Variants in ACTR2 observed in about 807,000 individuals in gnomAD.
The protein encoded by ACTR2 is actin related protein 2.
Under a neutral mutation model 50.2 loss-of-function variants are expected in ACTR2, and 5 were observed. The ratio of observed to expected loss-of-function variants is 0.10; its 90% CI spans 0.05 to 0.21. ACTR2 has a LOEUF of 0.21. ACTR2 is among the 10% of genes least tolerant of loss of function. The pLI, the probability that ACTR2 is intolerant of heterozygous loss-of-function variation, is 1.00. For missense variants in ACTR2, 180 were observed against 480.6 expected (o/e 0.37, Z 5.85); for synonymous variants, 140 against 162.9 (o/e 0.86, Z 1.07).
At chr2:65,229,513 T>TGGGAGGTCTAGGCGGGCGGA (rs1179143385) in intron 1 of ACTR2, among the ~76,000 whole-genome samples, 1 of 152,072 alleles carries the variant, frequency 6.6e-6, no homozygotes, top group Non-Finnish European at 1.5e-5. Context: ...CCCAGCACTT[T>TGGGAGGTCTAGGCGGGCGGA]GGGAGGTCTA....
intron 3 of ACTR2, among the ~76,000 whole-genome samples, chr2:65,248,256 T>C (rs1465913861): frequency 6.6e-6 from 1 of 151,998 alleles, no homozygotes; most frequent in Non-Finnish European, 1.5e-5. Flanking sequence ...AAAAATTAAC[T>C]GGGCATAGTG....
At chr2:65,250,665 T>G (rs1672029893) in intron 3 of ACTR2, among the ~76,000 whole-genome samples, 2 of 122,928 alleles carry the variant, frequency 1.6e-5, no homozygotes, top group Non-Finnish European at 3.4e-5. Flanking sequence ...AGAGTGAGAC[T>G]TCATCTCAAA....
intron 3 of ACTR2, among the ~76,000 whole-genome samples, chr2:65,247,693 G>A (rs1167114895): frequency 6.6e-6 from 1 of 152,238 alleles, no homozygotes; most frequent in Non-Finnish European, 1.5e-5. Flanking sequence ...CGACGAAGAA[G>A]AGGAGGGGTT....
intron 1 of ACTR2, among the ~76,000 whole-genome samples, chr2:65,239,619 G>A (rs1367444146): frequency 6.6e-6 from 1 of 152,206 alleles, no homozygotes; most frequent in Non-Finnish European, 1.5e-5. Context: ...GTCTAGTGAG[G>A]GAACTTAGGC....
chr2:65,239,701 T>G, intron 1 of ACTR2, 151 bp from the exon 2 acceptor site: 2 of 618,030 alleles, frequency 3.2e-6, no homozygotes, highest in Non-Finnish European at 5.9e-6. Context: ...AAGGAGATGT[T>G]GCGATAGATT....
At chr2:65,245,520 A>G (rs1671919100) in intron 2 of ACTR2, among the ~76,000 whole-genome samples, 1 of 152,196 alleles carries the variant, frequency 6.6e-6, no homozygotes, top group African/African-American at 2.4e-5. Context: ...ACTCAGTCTC[A>G]AAAAAATAAT....
At chr2:65,242,038 C>T (rs563922867) in intron 2 of ACTR2, 141 of 1,608,720 alleles carry the variant, frequency 8.8e-5, no homozygotes, top group Non-Finnish European at 1.1e-4. Flanking sequence ...TTTCTTGACC[C>T]GTTGAAGTAG....
At chr2:65,240,673 G>A (rs1397892620) in intron 2 of ACTR2, among the ~76,000 whole-genome samples, 1 of 152,170 alleles carries the variant, frequency 6.6e-6, no homozygotes, top group Non-Finnish European at 1.5e-5. Context: ...ACAGTGAGAG[G>A]ACAGTAGTCA....
intron 1 of ACTR2, 83 bp downstream of exon 1, chr2:65,228,040 G>A: frequency 7.5e-7 from 1 of 1,334,060 alleles, no homozygotes; most frequent in Non-Finnish European, 9.8e-7. Context: ...GGCCCCCAGG[G>A]CTGCACCTCC....
chr2:65,241,011 T>C (rs1573152593), intron 2 of ACTR2, among the ~76,000 whole-genome samples: 1 of 152,168 alleles, frequency 6.6e-6, no homozygotes, highest in South Asian at 2.1e-4. Context: ...AGTTTTTTTT[T>C]TTCAGAGTTA....
rs756439882 is a variant in ACTR2, at chr2:65,253,940, G to A, written c.585+76G>A. 6.0e-5 allele frequency: 78 copies of A among 1,290,852 alleles called. 1 individual carries two copies. Among genetic ancestry groups the A allele is most frequent in the South Asian group, 2.0e-4 (14 of 71,298 alleles). 80.0% of individuals were successfully genotyped at this position (1,290,852 alleles called of 1,614,324 possible). A position where few individuals can be genotyped will look rare whatever the true frequency, so the allele number is the denominator to read the frequency against. On this transcript the variant is annotated intron_variant, in intron 5 of 8. Transcript: ENST00000260641. ...ACCTTAACACAGAATTGAATCTATC[G>A]TTTTAGGATTCCAGCAAATCTGTAC...
chr2:65,247,651 CA>C (rs1292348914), intron 3 of ACTR2, among the ~76,000 whole-genome samples: 1 of 152,004 alleles, frequency 6.6e-6, no homozygotes, highest in Non-Finnish European at 1.5e-5. Flanking sequence ...TGTAGATCAT[CA>C]TAAAGATCTT....
At chr2:65,265,347 G>A (rs1162256293) in intron 8 of ACTR2, 172 bp downstream of exon 8, 4 of 785,986 alleles carry the variant, frequency 5.1e-6, no homozygotes, top group Admixed American at 4.3e-5. Context: ...GATAAGCTCT[G>A]GTCACCTCTA....
Position 65,228,020 on chromosome 2 carries a change from A to C in ACTR2, c.48+63A>C, listed in dbSNP as rs115799470. The C allele has an allele frequency of 3.5e-6, 5 of 1,443,194 alleles. No homozygotes were observed. The South Asian group carries it at 6.8e-5, about 20-fold the overall frequency. The allele number at this position is 1,443,194 out of a possible 1,614,324, so 89.4% of individuals were successfully genotyped here. On this transcript the variant is annotated intron_variant, in intron 1 of 8. Transcript: ENST00000260641. ...GCCGGCGGGGACGAGCAGCTGGCGC[A>C]CGGGCCCTCGGCCCCCAGGGCTGCA...
chr2:65,237,570 G>A (rs533090087), intron 1 of ACTR2, among the ~76,000 whole-genome samples: 1 of 152,284 alleles, frequency 6.6e-6, no homozygotes, highest in East Asian at 1.9e-4. Flanking sequence ...ATTTGTAACT[G>A]CCGGGCACAG....
In ACTR2 at chr2:65,255,706, C is replaced by T. The variant is rs763005262; in HGVS notation, c.735+12C>T. ...TTGAATCTTATACAGTAAGTGTTTC[C>T]AGTGTATAATATATATGTGTTTTAA... On this transcript the variant is annotated intron_variant, in intron 6 of 8. Transcript: ENST00000260641. The T allele has an allele frequency of 4.4e-5, 71 of 1,609,952 alleles. No individual in the cohort carries two copies. The highest frequency in any genetic ancestry group is 5.9e-5 in the Non-Finnish European group (69 of 1,177,264).
rs974737208 is a variant in ACTR2, at chr2:65,233,312, G to T, written c.48+5355G>T. Among the ~76,000 whole-genome samples, 3 of 151,096 alleles carry T rather than the reference G, an allele frequency of 2.0e-5. No homozygotes were observed. In the South Asian group the frequency reaches 6.3e-4, roughly 31 times the overall value. ...CCCAGTCTAGATTTTTTTTAATACT[G>T]ATTATTATTATTATTTGCAGAAGTA... On this transcript the variant is annotated intron_variant, in intron 1 of 8. Coordinates refer to ENST00000260641, the MANE Select transcript of ACTR2 (RefSeq NM_005722.4).
chr2:65,234,561 A>G (rs759265558), intron 1 of ACTR2, among the ~76,000 whole-genome samples: 2 of 152,206 alleles, frequency 1.3e-5, no homozygotes, highest in Non-Finnish European at 2.9e-5. Flanking sequence ...CGAACTACCC[A>G]TCTGAACGAT....
Position 65,246,715 on chromosome 2 carries a change from C to G in ACTR2, c.351C>G (p.Thr117=). Residue 117 remains threonine, a synonymous_variant, in exon 3 of 9, where the codon ACC becomes ACG. Coordinates refer to ENST00000260641, the MANE Select transcript of ACTR2 (RefSeq NM_005722.4). The stretch of plus-strand genomic sequence containing the variant: ...TCACAGAACCTCCTATGAACCCAAC[C>G]AAAAACAGAGAGAAGATTGTAGAGG... ...ILLTEPPMNP[T]KNREKIVEVM... is the part of the protein sequence containing the mutation. The G allele has an allele frequency of 6.2e-7, 1 of 1,608,038 alleles. No homozygotes were observed. The highest frequency in any genetic ancestry group is 1.1e-5 in the South Asian group (1 of 90,206).
Sources: gnomAD v4.1 joint callset for allele counts (sites outside exome capture counted in the v4.1 genomes callset) on GRCh38, gnomAD v4.1.1 for gene constraint, MANE v1.5 for transcripts, NCBI Gene and HGNC (gene_info 2026-07-23, HGNC 2026-07-21) for gene names.